The following MKRN2 variants were observed in gnomAD, a reference collection of about 807,000 sequenced individuals.
MKRN2 encodes E3 ubiquitin-protein ligase makorin-2.
Under a neutral mutation model 45.4 loss-of-function variants are expected in MKRN2, and 32 were observed. That is an observed-to-expected ratio of 0.70 (90% CI 0.53 to 0.95). The LOEUF (loss-of-function observed/expected upper bound fraction) is 0.95, where lower values mean the gene tolerates loss of function less well. Among genes scored for constraint, MKRN2 ranks in the 40% least tolerant of loss-of-function variants. MKRN2 has a pLI of 0.00. For missense variants in MKRN2, 526 were observed against 536.7 expected (o/e 0.98, Z 0.20); for synonymous variants, 206 against 192.4 (o/e 1.07, Z -0.59).
chr3:12,571,324 T>G (rs1360682521), intron 3 of MKRN2, among the ~76,000 whole-genome samples: 1 of 152,136 alleles, frequency 6.6e-6, no homozygotes, highest in Non-Finnish European at 1.5e-5. Context: ...TTGGCCAGGC[T>G]GGTCTCAAAC....
At chr3:12,576,187 A>ATGTGTGTGTGTGTGTG (rs1296884589) in intron 5 of MKRN2, among the ~76,000 whole-genome samples, 4 of 128,848 alleles carry the variant, frequency 3.1e-5, no homozygotes, top group African/African-American at 1.4e-4. Context: ...AGGAAACCAT[A>ATGTGTGTGTGTGTGTG]TATGTGTGTG....
chr3:12,582,078 T>A, intron 7 of MKRN2, 38 bp from the exon 8 acceptor site: 1 of 1,613,832 alleles, frequency 6.2e-7, no homozygotes, highest in Non-Finnish European at 8.5e-7. Context: ...CTGTTGCTCT[T>A]AGCAGTAACC....
intron 1 of MKRN2, among the ~76,000 whole-genome samples, chr3:12,563,553 G>A (rs1376426534): frequency 1.4e-5 from 2 of 142,588 alleles, no homozygotes; most frequent in Admixed American, 7.3e-5. Flanking sequence ...GCAGTGGCAC[G>A]ATCTCGGCTC....
At chr3:12,578,414 A>G (rs1272435437) in intron 6 of MKRN2, among the ~76,000 whole-genome samples, 1 of 138,654 alleles carries the variant, frequency 7.2e-6, no homozygotes, top group African/African-American at 2.7e-5. Flanking sequence ...TCCGCCTTCC[A>G]GGTTCAAGCA....
intron 7 of MKRN2, 29 bp downstream of exon 7, chr3:12,581,981 G>A (rs1559393491): frequency 7.4e-6 from 12 of 1,611,476 alleles, no homozygotes; most frequent in Non-Finnish European, 1.0e-5. Flanking sequence ...TCTAGTTGGG[G>A]ACACTTAGCA....
In MKRN2 at chr3:12,576,748, G is replaced by A. The variant is rs767738204; in HGVS notation, c.968+7G>A. On this transcript the variant is annotated splice_region_variant and intron_variant, in intron 6 of 7. Coordinates refer to ENST00000170447, the MANE Select transcript of MKRN2 (RefSeq NM_014160.5). ...CTTTCAAACAGGGGATGGGGTAAGT[G>A]CTTTTGAGTTTCGACGTGCCCCTGC... 6.3e-7 allele frequency: 1 copy of A among 1,578,884 alleles called. No individual in the cohort carries two copies. The highest frequency in any genetic ancestry group is 8.7e-7 in the Non-Finnish European group (1 of 1,149,194).
Position 12,582,497 on chromosome 3 carries a change from C to A in MKRN2, c.*244C>A. ...ATAGCTGATATAGTTACACCTCAAG[C>A]CCCTCAGGGGTAACAACTAACAAAC... On this transcript the variant is annotated 3_prime_UTR_variant, in exon 8 of 8. Coordinates refer to ENST00000170447, the MANE Select transcript of MKRN2 (RefSeq NM_014160.5). 1 of 462,028 alleles carries A rather than the reference C, an allele frequency of 2.2e-6. No homozygotes were observed. The highest frequency in any genetic ancestry group is 3.8e-6 in the Non-Finnish European group (1 of 262,544). 28.6% of individuals were successfully genotyped at this position (462,028 alleles called of 1,614,324 possible). A position where few individuals can be genotyped will look rare whatever the true frequency, so the allele number is the denominator to read the frequency against.
intron 2 of MKRN2, 84 bp from the exon 3 acceptor site, chr3:12,569,987 A>C (rs1460607912): frequency 1.6e-5 from 21 of 1,319,084 alleles, no homozygotes; most frequent in Non-Finnish European, 2.2e-5. Context: ...AGTGCAGCAG[A>C]AGGAGGGCCA....
At chr3:12,576,466 T>A (rs181794216) in intron 5 of MKRN2, among the ~76,000 whole-genome samples, 165 bp from the exon 6 acceptor site, 1 of 152,224 alleles carries the variant, frequency 6.6e-6, no homozygotes, top group South Asian at 2.1e-4. Context: ...AACCCTATTT[T>A]GTTAATAGTA....
chr3:12,581,474 G>C (rs536524481), intron 6 of MKRN2, among the ~76,000 whole-genome samples: 29 of 152,298 alleles, frequency 1.9e-4, no homozygotes, highest in African/African-American at 6.5e-4. Context: ...ACCAGGCCTG[G>C]CTTAGCTCTG....
chr3:12,583,362 A>ATAAAATGTATTACT lies in MKRN2; in HGVS notation c.*1113_*1126dup, dbSNP rs1386729969. 5 of 165,206 alleles carry ATAAAATGTATTACT rather than the reference A, an allele frequency of 3.0e-5. No homozygotes were observed. The highest frequency in any genetic ancestry group is 9.5e-5 in the African/African-American group (4 of 42,034). 10.2% of individuals were successfully genotyped at this position (165,206 alleles called of 1,614,324 possible). A position where few individuals can be genotyped will look rare whatever the true frequency, so the allele number is the denominator to read the frequency against. ...TACCTACCAAATAAATAAATAGTTT[A>ATAAAATGTATTACT]TAAAATGTATTACTTAAGGTATTAG... On this transcript the variant is annotated 3_prime_UTR_variant, in exon 8 of 8. Coordinates refer to ENST00000170447, the MANE Select transcript of MKRN2 (RefSeq NM_014160.5).
intron 6 of MKRN2, among the ~76,000 whole-genome samples, chr3:12,581,244 A>AT (rs1454921392): frequency 1.3e-5 from 2 of 152,242 alleles, no homozygotes; most frequent in African/African-American, 2.4e-5. Flanking sequence ...TCCAAAGCAC[A>AT]TAAGGCGTGA....
intron 3 of MKRN2, among the ~76,000 whole-genome samples, chr3:12,571,596 C>T (rs2058099915): frequency 6.6e-6 from 1 of 152,110 alleles, no homozygotes; most frequent in Admixed American, 6.6e-5. Context: ...AAGGGGTGAC[C>T]ATGGGGCAGT....
intron 6 of MKRN2, among the ~76,000 whole-genome samples, chr3:12,580,466 C>G (rs1215770203): frequency 1.3e-5 from 2 of 150,800 alleles, no homozygotes; most frequent in African/African-American, 2.4e-5. Flanking sequence ...GCCACCACCC[C>G]CAGTGAGACG....
intron 1 of MKRN2, among the ~76,000 whole-genome samples, chr3:12,562,669 TCAC>T (rs1262141836): frequency 6.6e-6 from 1 of 152,084 alleles, no homozygotes; most frequent in Admixed American, 6.5e-5. Flanking sequence ...CCACTCCCCA[TCAC>T]TCACATTACC....
chr3:12,580,607 A>C (rs2058171152), intron 6 of MKRN2, among the ~76,000 whole-genome samples: 1 of 152,080 alleles, frequency 6.6e-6, no homozygotes, highest in Admixed American at 6.6e-5. Flanking sequence ...TACAGGTGCC[A>C]GCCACCACAC....
chr3:12,573,677 A>G (rs1328454472), intron 4 of MKRN2, among the ~76,000 whole-genome samples: 1 of 152,134 alleles, frequency 6.6e-6, no homozygotes, highest in African/African-American at 2.4e-5. Flanking sequence ...GCGGATCACA[A>G]GGTCAGGAGA....
At chr3:12,566,341 A>G (rs544716544) in intron 1 of MKRN2, among the ~76,000 whole-genome samples, 96 of 152,264 alleles carry the variant, frequency 6.3e-4, no homozygotes, top group Admixed American at 4.9e-3. Flanking sequence ...GTCTGAAAGC[A>G]GTTGTTTCAC....
rs562384783 is a variant in MKRN2, at chr3:12,576,801, T to C, written c.968+60T>C. On this transcript the variant is annotated intron_variant, in intron 6 of 7. Coordinates refer to ENST00000170447, the MANE Select transcript of MKRN2 (RefSeq NM_014160.5). ...CCTGCCTGGCTCTGCTGTCAGCCCG[T>C]GTCCTCGTTCTCCTTCCCAGGAGTG... The C allele has an allele frequency of 7.0e-5, 88 of 1,250,406 alleles. No homozygotes were observed. The African/African-American group carries it at 9.3e-4, about 13-fold the overall frequency. The allele number at this position is 1,250,406 out of a possible 1,614,324, so 77.5% of individuals were successfully genotyped here. A position where few individuals can be genotyped will look rare whatever the true frequency, so the allele number is the denominator to read the frequency against.
Sources: allele counts gnomAD v4.1 joint callset (sites outside exome capture counted in the v4.1 genomes callset), GRCh38; gene constraint gnomAD v4.1.1; transcripts MANE v1.5; gene names NCBI Gene and HGNC (gene_info 2026-07-23, HGNC 2026-07-21).